Variants in ASIP observed in about 807,000 individuals in gnomAD.
The protein encoded by ASIP is agouti signaling protein.
A neutral mutation model predicts 10.3 loss-of-function variants in ASIP; 11 were observed. The ratio of observed to expected loss-of-function variants is 1.07; its 90% confidence interval spans 0.68 to 1.78. ASIP has a LOEUF of 1.78. Ranked by LOEUF, ASIP falls within the 40% of genes most tolerant of loss-of-function variation. The probability of loss-of-function intolerance (pLI) is 0.00; values close to 1 mark genes in which losing one functional copy is unlikely to be tolerated. For synonymous variants in ASIP, 70 were observed against 70.8 expected, an observed-to-expected ratio of 0.99 and a Z score of 0.06; for missense variants, 180 against 169.2, an observed-to-expected ratio of 1.06 and a Z score of -0.35.
At chr20:34,261,405 G>A (rs1344959822) in intron 2 of ASIP, among the ~76,000 whole-genome samples, 5 of 152,128 alleles carry the variant, frequency 3.3e-5, no homozygotes, top group African/African-American at 4.8e-5. Flanking sequence ...AGGCTGAGGC[G>A]GGCAGATCTC....
intron 1 of ASIP, chr20:34,234,739 A>G (rs1385476613): frequency 6.6e-6 from 1 of 152,158 alleles, no homozygotes; most frequent in Non-Finnish European, 1.5e-5. Flanking sequence ...ATTTGAACCC[A>G]GGAGGCAGAG....
chr20:34,237,832 T>C (rs6087567), upstream of ASIP, among the ~76,000 whole-genome samples: 42,788 of 152,040 alleles, frequency 0.28, 6,626 homozygotes, highest in Admixed American at 0.36. Flanking sequence ...CTCCTATTCC[T>C]AGTTTGTGGA....
At chr20:34,263,062 C>A (rs1438459503) in intron 3 of ASIP, among the ~76,000 whole-genome samples, 169 bp downstream of exon 3, 1 of 152,150 alleles carries the variant, frequency 6.6e-6, no homozygotes, top group African/African-American at 2.4e-5. Context: ...CTGAGCCAGA[C>A]ACCCACAGAA....
chr20:34,247,582 T>C (rs2035401126), intron 1 of ASIP, among the ~76,000 whole-genome samples: 1 of 151,574 alleles, frequency 6.6e-6, no homozygotes, highest in Admixed American at 6.6e-5. Context: ...CAGGCATGAG[T>C]CACTGTACCC....
At position 34,269,192 on chromosome 20, in the gene ASIP, A is replaced by G. The variant is rs6058017; in HGVS notation, c.*25A>G. ...AGCGCCCCCACTCCCGGCCGCGAGCAGGCAGGGCTTCGGGGACGCGGGGCG... is the reference window on the plus strand; with the variant it reads ...AGCGCCCCCACTCCCGGCCGCGAGCGGGCAGGGCTTCGGGGACGCGGGGCG... On this transcript the variant is annotated 3_prime_UTR_variant, in exon 4 of 4. Coordinates refer to ENST00000374954, the MANE Select transcript of ASIP (RefSeq NM_001672.3). 213,187 of 1,476,164 alleles carry G rather than the reference A, an allele frequency of 0.14. 26,966 individuals carry two copies. Among genetic ancestry groups the G allele is most frequent in the African/African-American group, 0.68 (46,740 of 68,748 alleles). 91.4% of individuals were successfully genotyped at this position (1,476,164 alleles called of 1,614,324 possible).
At chr20:34,253,349 G>A (rs867109143) in intron 1 of ASIP, among the ~76,000 whole-genome samples, 6 of 151,578 alleles carry the variant, frequency 4.0e-5, no homozygotes, top group South Asian at 2.1e-4. Context: ...CTCATGATCC[G>A]CCTGCCTCAG....
At chr20:34,246,439 TC>T in intron 1 of ASIP, 2 of 1,401,998 alleles carry the variant, frequency 1.4e-6, no homozygotes, top group Admixed American at 1.7e-5. Flanking sequence ...ATGAACAGAC[TC>T]CACAATAAAG....
At chr20:34,222,111 A>AAAAT (rs552528111) in intron 1 of ASIP, among the ~76,000 whole-genome samples, 34 of 152,126 alleles carry the variant, frequency 2.2e-4, no homozygotes, top group East Asian at 3.8e-4. Flanking sequence ...CCCTATCTCA[A>AAAAT]AAATAAATAA....
intron 1 of ASIP, among the ~76,000 whole-genome samples, chr20:34,198,256 ATT>A (rs2034871427): frequency 6.6e-6 from 1 of 151,670 alleles, no homozygotes; most frequent in Admixed American, 6.6e-5. Context: ...CACCCAGCTA[ATT>A]TTTGTATTTT....
chr20:34,242,168 T>G (rs1347782928), intron 1 of ASIP, among the ~76,000 whole-genome samples: 1 of 151,974 alleles, frequency 6.6e-6, no homozygotes, highest in East Asian at 1.9e-4. Context: ...CATAGTGAAG[T>G]CATTTTTGGT....
At chr20:34,257,598 C>A (rs2035595705) in intron 1 of ASIP, among the ~76,000 whole-genome samples, 1 of 152,002 alleles carries the variant, frequency 6.6e-6, no homozygotes, top group East Asian at 1.9e-4. Context: ...TTTCATATTT[C>A]TATTCCAAAT....
intron 1 of ASIP, among the ~76,000 whole-genome samples, chr20:34,227,218 G>C (rs1230720050): frequency 6.6e-6 from 1 of 151,932 alleles, no homozygotes; most frequent in Non-Finnish European, 1.5e-5. Context: ...AAATTGACGT[G>C]TTAAAAAATG....
At chr20:34,198,893 C>T (rs1197205809) in intron 1 of ASIP, among the ~76,000 whole-genome samples, 1 of 152,124 alleles carries the variant, frequency 6.6e-6, no homozygotes, top group African/African-American at 2.4e-5. Context: ...GATCTAGAAA[C>T]AGAGCATTAC....
rs1601623835 is a variant in ASIP, at chr20:34,269,267, G to A, written c.*100G>A. On this transcript the variant is annotated 3_prime_UTR_variant, in exon 4 of 4. Transcript: ENST00000374954. Reference sequence around the variant, plus strand: ...AGGGCGGCTTCCCAGGGCTGCAGGCGGGCGGAGGTTCCAGGAGATGGGACT... The same window carrying A: ...AGGGCGGCTTCCCAGGGCTGCAGGCAGGCGGAGGTTCCAGGAGATGGGACT... 1 of 1,379,350 alleles carries A rather than the reference G, an allele frequency of 7.2e-7. No homozygotes were observed. 85.4% of individuals were successfully genotyped at this position (1,379,350 alleles called of 1,614,324 possible).
intron 1 of ASIP, among the ~76,000 whole-genome samples, chr20:34,227,789 T>C (rs1403914220): frequency 1.3e-5 from 2 of 152,196 alleles, no homozygotes; most frequent in Admixed American, 6.5e-5. Flanking sequence ...CTAAAATTCA[T>C]GTGGAAATAC....
rs190284633 is a variant in ASIP, at chr20:34,245,815, G to A, written c.-11+4326G>A. ...ACAAAACAGTGAAAATGCCAAGGAC[G>A]AGGGCAGTCTACAGTTTTACTGTAG... On this transcript the variant is annotated intron_variant, in intron 1 of 3. Coordinates refer to ENST00000374954, the MANE Select transcript of ASIP (RefSeq NM_001672.3). The A allele has an allele frequency of 8.9e-3, 6,978 of 783,482 alleles. 34 individuals carry two copies. The highest frequency in any genetic ancestry group is 0.011 in the Middle Eastern group (18 of 1,620). The allele number at this position is 783,482 out of a possible 1,614,324, so 48.5% of individuals were successfully genotyped here. A position where few individuals can be genotyped will look rare whatever the true frequency, so the allele number is the denominator to read the frequency against.
rs1601617109 is a variant in ASIP at position 34,264,153 on chromosome 20, T to C, written c.222+1260T>C. 1.3e-5 allele frequency among the ~76,000 whole-genome samples: 2 copies of C among 152,248 alleles called. 1 individual carries two copies. The highest frequency in any genetic ancestry group is 4.1e-4 in the South Asian group (2 of 4,820). On this transcript the variant is annotated intron_variant, in intron 3 of 3. Coordinates refer to ENST00000374954, the MANE Select transcript of ASIP (RefSeq NM_001672.3). ...TATACATAAATCTATTATAAAAAATTAAAATTTCCCAAAACATATGTACAC... is the reference window on the plus strand; with the variant it reads ...TATACATAAATCTATTATAAAAAATCAAAATTTCCCAAAACATATGTACAC...
At chr20:34,214,622 C>G in intron 1 of ASIP, 1 of 1,181,910 alleles carries the variant, frequency 8.5e-7, no homozygotes. Flanking sequence ...GAAACTTGAG[C>G]AAGCCTGTCC....
At chr20:34,204,655 G>A (rs1428506244) in intron 1 of ASIP, among the ~76,000 whole-genome samples, 2 of 152,204 alleles carry the variant, frequency 1.3e-5, no homozygotes, top group Non-Finnish European at 2.9e-5. Flanking sequence ...AGTTAAATAT[G>A]ATGGTTGCTG....
Sources: allele counts gnomAD v4.1 joint callset (sites outside exome capture counted in the v4.1 genomes callset), GRCh38; gene constraint gnomAD v4.1.1; transcripts MANE v1.5; gene names NCBI Gene and HGNC (gene_info 2026-07-23, HGNC 2026-07-21).